The following OTUD7A variants were observed in gnomAD, a reference collection of about 807,000 sequenced individuals.
OTUD7A encodes the protein OTU deubiquitinase 7A.
In OTUD7A, 12 loss-of-function variants were observed where a neutral mutation model predicts 65.7. That is an observed-to-expected ratio of 0.18 (90% CI 0.12 to 0.30). The LOEUF (loss-of-function observed/expected upper bound fraction) is 0.30. OTUD7A is among the 10% of genes least tolerant of loss of function. The probability of loss-of-function intolerance (pLI) is 1.00; values close to 1 mark genes in which losing one functional copy is unlikely to be tolerated. For synonymous variants in OTUD7A, 641 were observed against 586.3 expected (o/e 1.09, Z -1.35); for missense variants, 1,148 against 1,304.8 (o/e 0.88, Z 1.85).
chr15:31,534,968 G>T (rs992968767), intron 5 of OTUD7A, among the ~76,000 whole-genome samples: 1 of 152,198 alleles, frequency 6.6e-6, no homozygotes, highest in Non-Finnish European at 1.5e-5. Context: ...GTTCAAACCT[G>T]TGCTGTTCAA....
intron 3 of OTUD7A, among the ~76,000 whole-genome samples, chr15:31,632,432 A>G (rs1461375585): frequency 6.6e-6 from 1 of 152,210 alleles, no homozygotes; most frequent in East Asian, 1.9e-4. Flanking sequence ...TGGCTGTAGA[A>G]CAGCAGATCT....
intron 1 of OTUD7A, among the ~76,000 whole-genome samples, chr15:31,804,384 A>C (rs189062872): frequency 1.5e-4 from 23 of 152,266 alleles, no homozygotes; most frequent in African/African-American, 5.3e-4. Context: ...TCCCTGAATT[A>C]GAATGTCCTT....
chr15:31,863,360 T>C (rs1897794934), intron 1 of OTUD7A, among the ~76,000 whole-genome samples: 1 of 152,198 alleles, frequency 6.6e-6, no homozygotes, highest in South Asian at 2.1e-4. Flanking sequence ...ATTTCTCTTC[T>C]GCACTGCCAT....
chr15:31,565,320 T>C (rs1888831308), intron 4 of OTUD7A, among the ~76,000 whole-genome samples: 1 of 152,212 alleles, frequency 6.6e-6, no homozygotes, highest in African/African-American at 2.4e-5. Context: ...TACTATTGTA[T>C]ACTTAGATAT....
chr15:31,828,653 A>G (rs1435290433), intron 1 of OTUD7A, among the ~76,000 whole-genome samples: 1 of 152,186 alleles, frequency 6.6e-6, no homozygotes, highest in Non-Finnish European at 1.5e-5. Context: ...AAATAAGGTG[A>G]GAGAGTGTAT....
chr15:31,592,888 A>AAC (rs1889773901), intron 3 of OTUD7A, among the ~76,000 whole-genome samples: 1 of 52,528 alleles, frequency 1.9e-5, no homozygotes, highest in African/African-American at 1.2e-4. Flanking sequence ...TCAAAAAAAA[A>AAC]AAAAAAAAAA....
At chr15:31,756,244 T>C (rs1894808427) in intron 1 of OTUD7A, among the ~76,000 whole-genome samples, 1 of 152,258 alleles carries the variant, frequency 6.6e-6, no homozygotes, top group Non-Finnish European at 1.5e-5. Context: ...TTCTTTTTAT[T>C]TTGTAGTTTG....
chr15:31,507,361 T>G (rs76799758), intron 8 of OTUD7A, among the ~76,000 whole-genome samples: 2,012 of 152,122 alleles, frequency 0.013, 41 homozygotes, highest in African/African-American at 0.044. Context: ...TATGTTTTTT[T>G]TGTGTGTGTG....
At chr15:31,510,235 AGTC>A (rs1252027308) in intron 8 of OTUD7A, among the ~76,000 whole-genome samples, 3 of 152,054 alleles carry the variant, frequency 2.0e-5, no homozygotes, top group South Asian at 4.1e-4. Context: ...ACCTGTCGTT[AGTC>A]GTAAGAGTTA....
At chr15:31,863,889 C>T (rs747181640) in intron 1 of OTUD7A, among the ~76,000 whole-genome samples, 1 of 152,222 alleles carries the variant, frequency 6.6e-6, no homozygotes, top group African/African-American at 2.4e-5. Flanking sequence ...TTTATGCTCT[C>T]TTTCCCTTTT....
chr15:31,555,844 C>CTTTTTCTTTTTTT (rs61501777), intron 5 of OTUD7A, among the ~76,000 whole-genome samples: 31,074 of 89,886 alleles, frequency 0.35, 4,937 homozygotes, highest in East Asian at 0.74. Context: ...TACCTCTGTT[C>CTTTTTCTTTTTTT]TTTTTCTTTT....
At position 31,476,755 on chromosome 15, in the gene OTUD7A, G is replaced by A. The variant is rs920882913; in HGVS notation, c.*6539C>T. The stretch of plus-strand genomic sequence containing the variant: ...ACCACGGAAGTGGATTAAACAGGAG[G>A]ACAAAGCCTTTAACCAGGCCACAGT... On this transcript the variant is annotated 3_prime_UTR_variant, in exon 13 of 13. Coordinates refer to ENST00000307050, the MANE Select transcript of OTUD7A (RefSeq NM_001382637.1). 8 of 152,284 alleles carry A rather than the reference G, an allele frequency of 5.3e-5. No homozygotes were observed. Among genetic ancestry groups the A allele is most frequent in the Non-Finnish European group, 7.3e-5 (5 of 68,052 alleles). The allele number at this position is 152,284 out of a possible 1,614,324, so 9.4% of individuals were successfully genotyped here.
chr15:31,784,095 C>A (rs370596044), intron 1 of OTUD7A, among the ~76,000 whole-genome samples: 2 of 152,232 alleles, frequency 1.3e-5, no homozygotes, highest in Middle Eastern at 6.8e-3. Context: ...ATTTTCCAAG[C>A]GATCAGTGTA....
At chr15:31,491,130 T>TAAA (rs201247315) in intron 10 of OTUD7A, among the ~76,000 whole-genome samples, 1 of 144,640 alleles carries the variant, frequency 6.9e-6, no homozygotes, top group Admixed American at 6.8e-5. Flanking sequence ...AAAGGAAAGA[T>TAAA]AAAAAAAAAA....
At chr15:31,591,142 T>G (rs1353189095) in intron 3 of OTUD7A, among the ~76,000 whole-genome samples, 1 of 151,982 alleles carries the variant, frequency 6.6e-6, no homozygotes, top group South Asian at 2.1e-4. Context: ...ATATGGGGCA[T>G]AGAACATAGA....
chr15:31,512,458 C>T (rs1435551336), intron 8 of OTUD7A, among the ~76,000 whole-genome samples: 1 of 152,010 alleles, frequency 6.6e-6, no homozygotes, highest in Non-Finnish European at 1.5e-5. Flanking sequence ...TTTTTTTTAG[C>T]GAGGCCATTT....
rs1245756488 is a variant in OTUD7A at position 31,765,288 on chromosome 15, T to G, written c.-100+105219A>C. Among the ~76,000 whole-genome samples the G allele has an allele frequency of 3.3e-5, 5 of 152,192 alleles. No homozygotes were observed. The South Asian group carries it at 1.0e-3, about 32-fold the overall frequency. ...AAAGAATATATAGAAGAGTGCAACATTTGGCAGCTGAGAATTATTTCATTG... is the reference window on the plus strand; with the variant it reads ...AAAGAATATATAGAAGAGTGCAACAGTTGGCAGCTGAGAATTATTTCATTG... On this transcript the variant is annotated intron_variant, in intron 1 of 12. Coordinates refer to ENST00000307050, the MANE Select transcript of OTUD7A (RefSeq NM_001382637.1).
chr15:31,583,742 G>C (rs1016723364), intron 3 of OTUD7A, among the ~76,000 whole-genome samples: 2 of 151,996 alleles, frequency 1.3e-5, no homozygotes, highest in Admixed American at 6.6e-5. Context: ...CCCAGTCTCA[G>C]ATATGTCTTT....
chr15:31,504,678 G>A (rs1487605839), intron 8 of OTUD7A, among the ~76,000 whole-genome samples: 2 of 65,310 alleles, frequency 3.1e-5, no homozygotes, highest in Non-Finnish European at 5.9e-5. Context: ...TTTGAGGAAT[G>A]CTCAGAATTA....
Sources: gnomAD v4.1 joint callset for allele counts (sites outside exome capture counted in the v4.1 genomes callset) on GRCh38, gnomAD v4.1.1 for gene constraint, MANE v1.5 for transcripts, NCBI Gene and HGNC (gene_info 2026-07-23, HGNC 2026-07-21) for gene names.